The following DNAH6 variants were observed in gnomAD, a reference collection of about 807,000 sequenced individuals.
The protein encoded by DNAH6 is axonemal beta dynein heavy chain 6.
DNAH6 carries 340 observed loss-of-function variants against 491.4 expected under a neutral mutation model. The observed-to-expected ratio is 0.69, with a 90% CI of 0.63 to 0.76. The LOEUF (loss-of-function observed/expected upper bound fraction) is 0.76. DNAH6 is among the 30% of genes least tolerant of loss of function. The pLI is 0.00. For synonymous variants in DNAH6, 1,603 were observed against 1,686.1 expected, an observed-to-expected ratio of 0.95 and a Z score of 1.21; for missense variants, 4,443 against 4,972.2, an observed-to-expected ratio of 0.89 and a Z score of 3.20.
intron 11 of DNAH6, among the ~76,000 whole-genome samples, chr2:84,570,485 AG>A (rs199907018): frequency 0.015 from 2,223 of 152,232 alleles, 37 homozygotes; most frequent in Middle Eastern, 0.092. Context: ...CGCACCAATC[AG>A]CACTCTGTGT....
At chr2:84,712,491 A>G (rs1257002487) in intron 56 of DNAH6, among the ~76,000 whole-genome samples, 2 of 152,218 alleles carry the variant, frequency 1.3e-5, no homozygotes, top group East Asian at 3.8e-4. Flanking sequence ...AGGCATAACT[A>G]TCATGTAGAA....
chr2:84,773,592 A>C (rs1030299309), intron 64 of DNAH6, among the ~76,000 whole-genome samples: 6 of 152,050 alleles, frequency 3.9e-5, no homozygotes, highest in Admixed American at 2.0e-4. Context: ...CATTAATGGG[A>C]ATGGTGGATT....
chr2:84,663,273 C>T (rs552993330), intron 37 of DNAH6, among the ~76,000 whole-genome samples: 17 of 152,228 alleles, frequency 1.1e-4, no homozygotes, highest in Non-Finnish European at 1.9e-4. Flanking sequence ...AGGCCTCAGA[C>T]GATCAGTAAT....
chr2:84,754,229 G>C (rs554206977), intron 63 of DNAH6, among the ~76,000 whole-genome samples: 1 of 151,412 alleles, frequency 6.6e-6, no homozygotes, highest in Non-Finnish European at 1.5e-5. Context: ...GCCCAGGCTG[G>C]AGTGCAATGG....
At position 84,624,283 on chromosome 2, in the gene DNAH6, G is replaced by C. The variant is rs929601087; in HGVS notation, c.4090G>C (p.Ala1364Pro). The C allele has an allele frequency of 6.5e-7, 1 of 1,548,932 alleles. No individual in the cohort carries two copies. Among genetic ancestry groups the C allele is most frequent in the Non-Finnish European group, 8.7e-7 (1 of 1,146,104 alleles). ...TTTGTAGAGATTAAATGCCCTAGCT[G>C]CAATAGTTCAAGGCAGTCTTCCTAA... ...VNFERLNALA[A>P]IVQGSLPKLH... The change falls in exon 27 of 77, where the codon GCA becomes CCA. Residue 1364 changes from alanine (A) to proline (P), a missense_variant. Physicochemically the swap from Ala to Pro is conservative, Grantham distance 27. Coordinates refer to ENST00000389394, the MANE Select transcript of DNAH6 (RefSeq NM_001370.2).
the DNAH6 span, among the ~76,000 whole-genome samples, chr2:84,461,153 G>C: frequency 6.6e-6 from 1 of 152,180 alleles, no homozygotes; most frequent in South Asian, 2.1e-4. Flanking sequence ...ATGGTCTTCA[G>C]TACTCAGACC....
chr2:84,534,480 A>C (rs550741297), intron 4 of DNAH6, among the ~76,000 whole-genome samples: 1 of 152,208 alleles, frequency 6.6e-6, no homozygotes, highest in African/African-American at 2.4e-5. Context: ...TTTGATTGTT[A>C]CTGTAAACAC....
chr2:84,750,192 T>G (rs577602036), intron 63 of DNAH6, among the ~76,000 whole-genome samples: 29 of 144,358 alleles, frequency 2.0e-4, no homozygotes, highest in African/African-American at 7.1e-4. Flanking sequence ...TTGGTTTGGT[T>G]TTTTTTTTTT....
At chr2:84,534,855 AT>A (rs1677531527) in intron 4 of DNAH6, among the ~76,000 whole-genome samples, 1 of 151,996 alleles carries the variant, frequency 6.6e-6, no homozygotes. Context: ...GGTTCTCATG[AT>A]TTTTTAGACA....
chr2:84,510,675 C>G, the DNAH6 span, among the ~76,000 whole-genome samples: 1 of 152,132 alleles, frequency 6.6e-6, no homozygotes, highest in South Asian at 2.1e-4. Context: ...TCCAGTTTTT[C>G]TGCTCTGTTT....
rs1319533749 is a variant in DNAH6, at chr2:84,597,707, A to G, written c.2868+1918A>G. Among the ~76,000 whole-genome samples, 4 of 152,370 alleles carry G rather than the reference A, an allele frequency of 2.6e-5. No homozygotes were observed. In the East Asian group the frequency reaches 7.7e-4, roughly 29 times the overall value. ...ATAATAGCCAAAAGTAGGGGAAAAA[A>G]CAAATTTCCATCAATTAATAAATTG... is the stretch of plus-strand genomic sequence containing the variant. On this transcript the variant is annotated intron_variant, in intron 18 of 76. Transcript: ENST00000389394.
chr2:84,525,471 T>C, intron 2 of DNAH6, 94 bp from the exon 3 acceptor site: 1 of 1,281,788 alleles, frequency 7.8e-7, no homozygotes, highest in Non-Finnish European at 1.1e-6. Context: ...AGGAGATCAA[T>C]TTCCAACAGG....
At chr2:84,734,042 G>T (rs967968550) in intron 62 of DNAH6, among the ~76,000 whole-genome samples, 1 of 151,068 alleles carries the variant, frequency 6.6e-6, no homozygotes, top group African/African-American at 2.4e-5. Context: ...ATTCTCTCTC[G>T]CTTCTCTCTT....
intron 46 of DNAH6, 71 bp from the exon 47 acceptor site, chr2:84,697,504 A>T (rs1695502780): frequency 7.2e-7 from 1 of 1,385,898 alleles, no homozygotes; most frequent in African/African-American, 1.5e-5. Flanking sequence ...TGAATTTTAG[A>T]ATAAATATTT....
At chr2:84,812,824 A>G (rs1680122319) in intron 73 of DNAH6, among the ~76,000 whole-genome samples, 1 of 152,136 alleles carries the variant, frequency 6.6e-6, no homozygotes, top group Non-Finnish European at 1.5e-5. Context: ...ATCCCAGATA[A>G]CTTTGCTGCT....
rs996090376 is a variant in DNAH6 at position 84,746,118 on chromosome 2, G to A, written c.10512+869G>A. ...AGAGAGAGATGCTATTGATTCTACA[G>A]CTATCAGAGTGGTTAGCAGTCTGAA... On this transcript the variant is annotated intron_variant, in intron 63 of 76. Coordinates refer to ENST00000389394, the MANE Select transcript of DNAH6 (RefSeq NM_001370.2). Among the ~76,000 whole-genome samples the A allele has an allele frequency of 3.9e-5, 6 of 152,298 alleles. No individual in the cohort carries two copies. The Middle Eastern group carries it at 0.014, about 345-fold the overall frequency.
In DNAH6 at chr2:84,705,782, G is replaced by A. The variant is rs1342953944; in HGVS notation, c.8727+35G>A. 16 of 1,521,746 alleles carry A rather than the reference G, an allele frequency of 1.1e-5. No homozygotes were observed. The East Asian group carries it at 3.9e-4, about 37-fold the overall frequency. 94.3% of individuals were successfully genotyped at this position (1,521,746 alleles called of 1,614,324 possible). A position where few individuals can be genotyped will look rare whatever the true frequency, so the allele number is the denominator to read the frequency against. ...CTGTATTGTGATATTTTATAGAATT[G>A]AAGGCCATGATCGCCAGTCATTTCA... On this transcript the variant is annotated intron_variant, in intron 52 of 76. Coordinates refer to ENST00000389394, the MANE Select transcript of DNAH6 (RefSeq NM_001370.2).
chr2:84,648,826 A>C (rs1690141549), intron 33 of DNAH6, among the ~76,000 whole-genome samples: 1 of 152,264 alleles, frequency 6.6e-6, no homozygotes, highest in African/African-American at 2.4e-5. Flanking sequence ...TTGATAAAGC[A>C]ATGGAAGAGT....
At chr2:84,701,400 C>T (rs1343084271) in intron 49 of DNAH6, 61 bp downstream of exon 49, 1 of 1,501,092 alleles carries the variant, frequency 6.7e-7, no homozygotes, top group South Asian at 1.3e-5. Context: ...TTTGAGAATG[C>T]ATGGAAACTC....
Sources: gnomAD v4.1 joint callset for allele counts (sites outside exome capture counted in the v4.1 genomes callset) on GRCh38, gnomAD v4.1.1 for gene constraint, MANE v1.5 for transcripts, NCBI Gene and HGNC (gene_info 2026-07-23, HGNC 2026-07-21) for gene names.